The following SPANXN1 variants were observed in gnomAD, a reference collection of about 807,000 sequenced individuals.
SPANXN1 encodes sperm protein associated with the nucleus on the X chromosome N1.
A neutral mutation model predicts 2.0 loss-of-function variants in SPANXN1; 1 was observed. The ratio of observed to expected loss-of-function variants is 0.50; its 90% confidence interval spans 0.18 to 2.36. SPANXN1 has a LOEUF of 2.36. SPANXN1 is among the 30% of genes most tolerant of loss of function. The pLI is 0.26. For synonymous variants in SPANXN1, 27 were observed against 21.3 expected (o/e 1.27, Z -0.74); for missense variants, 55 against 51.8 (o/e 1.06, Z -0.19).
chrX:145,252,932 C>G (rs1362284511), intron 1 of SPANXN1, among the ~76,000 whole-genome samples: 1 of 110,618 alleles, frequency 9.0e-6, no homozygotes, highest in African/African-American at 3.3e-5. Flanking sequence ...GAAAAAGGGT[C>G]TAGAATATTT....
At chrX:145,250,804 T>G (rs782235830) in intron 1 of SPANXN1, among the ~76,000 whole-genome samples, 1 of 111,960 alleles carries the variant, frequency 8.9e-6, no homozygotes, top group East Asian at 2.8e-4. Context: ...CGGTGTCCCT[T>G]GCAATGGATA....
Sources: gnomAD v4.1 joint callset for allele counts (sites outside exome capture counted in the v4.1 genomes callset) on GRCh38, gnomAD v4.1.1 for gene constraint, MANE v1.5 for transcripts, NCBI Gene and HGNC (gene_info 2026-07-23, HGNC 2026-07-21) for gene names.